Variants in COA1 observed in about 807,000 individuals in gnomAD.
COA1 encodes the protein cytochrome c oxidase assembly factor 1 homolog.
COA1 carries 13 observed loss-of-function variants against 16.0 expected under a neutral mutation model. The ratio of observed to expected loss-of-function variants is 0.81; its 90% CI spans 0.53 to 1.29. The LOEUF is 1.29. COA1 is among the 50% of genes most tolerant of loss of function. The pLI, the probability that COA1 is intolerant of heterozygous loss-of-function variation, is 0.00. For synonymous variants in COA1, 65 were observed against 65.7 expected, an observed-to-expected ratio of 0.99 and a Z score of 0.05; for missense variants, 179 against 177.0, an observed-to-expected ratio of 1.01 and a Z score of -0.06.
intron 1 of COA1, among the ~76,000 whole-genome samples, chr7:43,705,724 C>T (rs2094945073): frequency 6.6e-6 from 1 of 152,218 alleles, no homozygotes; most frequent in South Asian, 2.1e-4. Flanking sequence ...GGCTAGAGTT[C>T]CATCTCTGTC....
intron 1 of COA1, among the ~76,000 whole-genome samples, chr7:43,722,648 C>A (rs2095533251): frequency 6.6e-6 from 1 of 152,176 alleles, no homozygotes; most frequent in African/African-American, 2.4e-5. Flanking sequence ...AGTGATCCGA[C>A]TGCCTTGGCC....
chr7:43,614,105 AC>A (rs2083124484), intron 6 of COA1, among the ~76,000 whole-genome samples: 1 of 152,192 alleles, frequency 6.6e-6, no homozygotes, highest in African/African-American at 2.4e-5. Context: ...CCTGCCCATG[AC>A]ACCCTAAGCC....
chr7:43,633,409 CTGAAAAGTGGG>C (rs2085358600), intron 6 of COA1: 1 of 152,102 alleles, frequency 6.6e-6, no homozygotes, highest in African/African-American at 2.4e-5. Flanking sequence ...ATAGGGAGGC[CTGAAAAGTGGG>C]AGAAAGACGA....
intron 1 of COA1, among the ~76,000 whole-genome samples, chr7:43,664,318 G>A (rs527974599): frequency 3.3e-5 from 5 of 152,106 alleles, no homozygotes; most frequent in African/African-American, 9.6e-5. Context: ...ATTTCACTTC[G>A]CATAGTATCA....
At chr7:43,718,636 T>C (rs1224048157) in intron 1 of COA1, among the ~76,000 whole-genome samples, 1 of 152,214 alleles carries the variant, frequency 6.6e-6, no homozygotes, top group South Asian at 2.1e-4. Context: ...AGGTGAATAG[T>C]ATGCATTGGG....
chr7:43,643,071 C>T (rs147710992), intron 4 of COA1, among the ~76,000 whole-genome samples: 165 of 152,252 alleles, frequency 1.1e-3, no homozygotes, highest in African/African-American at 3.6e-3. Context: ...AGCATTTGGC[C>T]GCAGTAGAAG....
chr7:43,686,273 CTGTGTTCTGGCTA>C (rs142818100), intron 1 of COA1, among the ~76,000 whole-genome samples: 63,018 of 147,106 alleles, frequency 0.43, 13,937 homozygotes, highest in African/African-American at 0.55. Flanking sequence ...TCTGGAGGTA[CTGTGTTCTGGCTA>C]TGTGTTCTGG....
At chr7:43,660,605 G>A (rs948418516) in intron 1 of COA1, among the ~76,000 whole-genome samples, 1 of 152,158 alleles carries the variant, frequency 6.6e-6, no homozygotes, top group Non-Finnish European at 1.5e-5. Flanking sequence ...GACAGAGTCA[G>A]GATTTGAGCC....
At chr7:43,639,827 C>T in intron 5 of COA1, 146 bp from the exon 6 acceptor site, 5 of 590,112 alleles carry the variant, frequency 8.5e-6, no homozygotes, top group Non-Finnish European at 1.2e-5. Context: ...TGTGTCAACA[C>T]AATTTTTAAC....
At chr7:43,643,979 G>A (rs1224451879) in intron 4 of COA1, among the ~76,000 whole-genome samples, 4 of 152,178 alleles carry the variant, frequency 2.6e-5, no homozygotes, top group Non-Finnish European at 5.9e-5. Flanking sequence ...TCTGCTGCCA[G>A]AGTCAAGCAC....
chr7:43,700,195 A>G (rs1435782447), intron 1 of COA1, among the ~76,000 whole-genome samples: 1 of 152,162 alleles, frequency 6.6e-6, no homozygotes, highest in African/African-American at 2.4e-5. Flanking sequence ...GAGAAAAAAT[A>G]TGGACCACAA....
chr7:43,630,937 T>C (rs1583942735), intron 6 of COA1, among the ~76,000 whole-genome samples: 1 of 152,150 alleles, frequency 6.6e-6, no homozygotes, highest in South Asian at 2.1e-4. Context: ...GCTACGTACA[T>C]TGAGATCTAT....
chr7:43,695,115 A>C (rs2094489317), intron 1 of COA1, among the ~76,000 whole-genome samples: 1 of 152,198 alleles, frequency 6.6e-6, no homozygotes, highest in Non-Finnish European at 1.5e-5. Flanking sequence ...TCTTCCCTGG[A>C]TCATAACAGC....
intron 1 of COA1, among the ~76,000 whole-genome samples, chr7:43,690,932 A>G (rs2094249354): frequency 6.6e-6 from 1 of 151,670 alleles, no homozygotes; most frequent in Admixed American, 6.6e-5. Flanking sequence ...GAAATTCATC[A>G]TCAGGCCAGG....
chr7:43,684,689 C>T (rs2093936196), intron 1 of COA1, among the ~76,000 whole-genome samples: 1 of 152,122 alleles, frequency 6.6e-6, no homozygotes. Context: ...AAGACGCCAC[C>T]ATCTTATAGC....
At chr7:43,692,200 G>C (rs2094393354) in intron 1 of COA1, among the ~76,000 whole-genome samples, 1 of 152,116 alleles carries the variant, frequency 6.6e-6, no homozygotes, top group African/African-American at 2.4e-5. Flanking sequence ...TAATCACCAA[G>C]TTAATAAAAG....
chr7:43,639,644 C>T lies in COA1; in HGVS notation c.379G>A (p.Gly127Ser), dbSNP rs750622042. Residue 127 changes from glycine (G) to serine (S), a missense_variant, in exon 6 of 6, where the codon GGT becomes AGT. Gly to Ser is a moderately conservative substitution (Grantham distance 56, BLOSUM62 0). Coordinates refer to ENST00000223336, the MANE Select transcript of COA1 (RefSeq NM_018224.4). ...LDEVFLELKDGQQIPVFKLSG... is the reference protein window; with the variant it reads ...LDEVFLELKDSQQIPVFKLSG... Reference sequence around the variant, plus strand: ...AGCTTGAACACAGGAATCTGCTGACCATCCTTGAGCTCTAAAAAGACCTCG... The same window carrying T: ...AGCTTGAACACAGGAATCTGCTGACTATCCTTGAGCTCTAAAAAGACCTCG... The T allele has an allele frequency of 6.2e-7, 1 of 1,614,066 alleles. No homozygotes were observed. Among genetic ancestry groups the T allele is most frequent in the Admixed American group, 1.7e-5 (1 of 60,024 alleles).
intron 1 of COA1, among the ~76,000 whole-genome samples, chr7:43,683,073 GT>G (rs2093844669): frequency 6.6e-6 from 1 of 152,018 alleles, no homozygotes. Context: ...GGCCAGGCTG[GT>G]CTCAAATTCC....
At chr7:43,724,208 G>A (rs898583295) in intron 1 of COA1, among the ~76,000 whole-genome samples, 2 of 151,922 alleles carry the variant, frequency 1.3e-5, no homozygotes, top group Non-Finnish European at 2.9e-5. Context: ...AAAATCAACA[G>A]AATTACCCTA....
Sources: allele counts gnomAD v4.1 joint callset (sites outside exome capture counted in the v4.1 genomes callset), GRCh38; gene constraint gnomAD v4.1.1; transcripts MANE v1.5; gene names NCBI Gene and HGNC (gene_info 2026-07-23, HGNC 2026-07-21).